Variants in RHOBTB3 observed in about 807,000 individuals in gnomAD.
The protein encoded by RHOBTB3 is Rho related BTB domain containing 3, also known as rho-related BTB domain-containing protein 3.
A neutral mutation model predicts 67.2 loss-of-function variants in RHOBTB3; 47 were observed. That is an observed-to-expected ratio of 0.70 (90% CI 0.55 to 0.89). The LOEUF is 0.89. RHOBTB3 is among the 40% of genes least tolerant of loss of function. The probability of loss-of-function intolerance (pLI) is 0.00; values close to 1 mark genes in which losing one functional copy is unlikely to be tolerated. For missense variants in RHOBTB3, 631 were observed against 750.0 expected, an observed-to-expected ratio of 0.84 and a Z score of 1.85; for synonymous variants, 273 against 274.2, an observed-to-expected ratio of 1.00 and a Z score of 0.04.
chr5:95,747,079 A>G (rs1440541180), intron 3 of RHOBTB3, among the ~76,000 whole-genome samples: 1 of 152,142 alleles, frequency 6.6e-6, no homozygotes, highest in Non-Finnish European at 1.5e-5. Context: ...CTGCTGATGC[A>G]CATCTGAGCC....
At chr5:95,752,992 T>C (rs1036552522) in intron 5 of RHOBTB3, among the ~76,000 whole-genome samples, 3 of 151,738 alleles carry the variant, frequency 2.0e-5, no homozygotes, top group African/African-American at 7.3e-5. Context: ...ATTAGCCGGG[T>C]GAGGTGGCAG....
chr5:95,769,967 C>G, intron 8 of RHOBTB3: 1 of 431,776 alleles, frequency 2.3e-6, no homozygotes, highest in South Asian at 1.8e-5. Context: ...TAGAAAGAAC[C>G]AGCTTAAAGA....
intron 6 of RHOBTB3, among the ~76,000 whole-genome samples, chr5:95,760,855 C>T (rs1040302620): frequency 6.6e-6 from 1 of 152,142 alleles, no homozygotes; most frequent in African/African-American, 2.4e-5. Context: ...GTTTTTACCA[C>T]TGGAAAAATA....
chr5:95,779,617 C>T (rs1295586396), intron 8 of RHOBTB3, among the ~76,000 whole-genome samples: 4 of 152,198 alleles, frequency 2.6e-5, no homozygotes, highest in Non-Finnish European at 5.9e-5. Context: ...GCTCTCCCAG[C>T]AGCAGGCATT....
intron 8 of RHOBTB3, among the ~76,000 whole-genome samples, chr5:95,777,243 A>G (rs867708449): frequency 1.5e-4 from 23 of 152,238 alleles, no homozygotes; most frequent in African/African-American, 5.5e-4. Flanking sequence ...CTCTTGAGCT[A>G]GGTAGGTATC....
At chr5:95,752,734 C>T (rs375788241) in intron 5 of RHOBTB3, among the ~76,000 whole-genome samples, 21 of 152,232 alleles carry the variant, frequency 1.4e-4, no homozygotes, top group African/African-American at 3.1e-4. Flanking sequence ...AATTTTAATA[C>T]GGACTGGAAA....
chr5:95,791,532 T>A (rs3822752), intron 11 of RHOBTB3, among the ~76,000 whole-genome samples: 1 of 152,096 alleles, frequency 6.6e-6, no homozygotes, highest in South Asian at 2.1e-4. Context: ...CTCTTGAAAC[T>A]TAGAGCTGAG....
chr5:95,727,364 G>A (rs185147235), upstream of RHOBTB3, among the ~76,000 whole-genome samples: 1 of 152,262 alleles, frequency 6.6e-6, no homozygotes, highest in East Asian at 1.9e-4. Flanking sequence ...CTCTCCAGCT[G>A]TTAAGGAACC....
intron 3 of RHOBTB3, among the ~76,000 whole-genome samples, chr5:95,745,153 C>A (rs1188015180): frequency 2.6e-5 from 4 of 151,874 alleles, no homozygotes; most frequent in African/African-American, 9.7e-5. Context: ...CCAAGCTGGC[C>A]CCCAACTCCT....
chr5:95,757,651 C>G (rs1227259267), intron 6 of RHOBTB3, among the ~76,000 whole-genome samples: 2 of 152,116 alleles, frequency 1.3e-5, no homozygotes, highest in East Asian at 3.8e-4. Context: ...TTGAAAAGTA[C>G]AGTTGCAGCA....
intron 1 of RHOBTB3, among the ~76,000 whole-genome samples, chr5:95,722,029 G>C (rs1431179507): frequency 3.9e-5 from 6 of 152,156 alleles, no homozygotes; most frequent in Non-Finnish European, 8.8e-5. Context: ...TAAACAAGTT[G>C]AGAAAAATGA....
At chr5:95,761,828 T>A (rs1355776413) in intron 6 of RHOBTB3, among the ~76,000 whole-genome samples, 1 of 152,230 alleles carries the variant, frequency 6.6e-6, no homozygotes, top group Non-Finnish European at 1.5e-5. Context: ...AAGGGGTTCT[T>A]ACACTCTCAC....
chr5:95,793,242 T>A lies in RHOBTB3; in HGVS notation c.*68T>A. 1 of 1,063,510 alleles carries A rather than the reference T, an allele frequency of 9.4e-7. No individual in the cohort carries two copies. Among genetic ancestry groups the A allele is most frequent in the Non-Finnish European group, 1.4e-6 (1 of 723,888 alleles). The allele number at this position is 1,063,510 out of a possible 1,614,324, so 65.9% of individuals were successfully genotyped here. ...AGAATGGGATACCTCCAGGTTCCAG[T>A]AAAATTCTTCTGACCGAAACCAATG... On this transcript the variant is annotated 3_prime_UTR_variant, in exon 12 of 12. Transcript: ENST00000379982.
At chr5:95,787,275 T>G (rs1157779479) in intron 10 of RHOBTB3, among the ~76,000 whole-genome samples, 1 of 152,148 alleles carries the variant, frequency 6.6e-6, no homozygotes. Context: ...CTTATTCTTT[T>G]CCCTTGAGAT....
At chr5:95,732,110 T>A (rs748705584) in intron 2 of RHOBTB3, 26 bp downstream of exon 2, 1 of 1,603,598 alleles carries the variant, frequency 6.2e-7, no homozygotes, top group South Asian at 1.1e-5. Context: ...TGCTCCGCGC[T>A]GAGGCTGAAG....
At position 95,795,557 on chromosome 5, in the gene RHOBTB3, A is replaced by T. The variant is rs1328642901; in HGVS notation, c.*2383A>T. The T allele has an allele frequency of 6.6e-6, 1 of 152,190 alleles. No individual in the cohort carries two copies. The highest frequency in any genetic ancestry group is 1.5e-5 in the Non-Finnish European group (1 of 68,032). The allele number at this position is 152,190 out of a possible 1,614,324, so 9.4% of individuals were successfully genotyped here. On this transcript the variant is annotated 3_prime_UTR_variant, in exon 12 of 12. Transcript: ENST00000379982. ...CTTAAGGTTGTTTGACCTGAAGTGGAGTTGGGTTTGGAAGCTGGTGCCCAG... is the reference window on the plus strand; with the variant it reads ...CTTAAGGTTGTTTGACCTGAAGTGGTGTTGGGTTTGGAAGCTGGTGCCCAG...
chr5:95,791,629 C>T (rs987494373), intron 11 of RHOBTB3, among the ~76,000 whole-genome samples: 5 of 152,062 alleles, frequency 3.3e-5, no homozygotes, highest in African/African-American at 9.7e-5. Context: ...GATGGAGAAT[C>T]AAGTAATTCT....
At position 95,795,648 on chromosome 5, in the gene RHOBTB3, C is replaced by T. The variant is rs1746545810; in HGVS notation, c.*2474C>T. On this transcript the variant is annotated 3_prime_UTR_variant, in exon 12 of 12. Transcript: ENST00000379982. ...CACCTACCTGTGTGAGTGACACCAA[C>T]ATCCAGATGTCACAGCTCTCCAGAG... The T allele has an allele frequency of 6.6e-6, 1 of 152,226 alleles. No homozygotes were observed. The highest frequency in any genetic ancestry group is 1.5e-5 in the Non-Finnish European group (1 of 68,024). 9.4% of individuals were successfully genotyped at this position (152,226 alleles called of 1,614,324 possible). A position where few individuals can be genotyped will look rare whatever the true frequency, so the allele number is the denominator to read the frequency against.
At chr5:95,783,307 A>G (rs923604860) in intron 9 of RHOBTB3, among the ~76,000 whole-genome samples, 15 of 151,598 alleles carry the variant, frequency 9.9e-5, no homozygotes, top group African/African-American at 3.6e-4. Flanking sequence ...TATTTTTAGT[A>G]GAGATGAGGT....
Sources: gnomAD v4.1 joint callset for allele counts (sites outside exome capture counted in the v4.1 genomes callset) on GRCh38, gnomAD v4.1.1 for gene constraint, MANE v1.5 for transcripts, NCBI Gene and HGNC (gene_info 2026-07-23, HGNC 2026-07-21) for gene names.